Variants in ACTR3C observed in about 807,000 individuals in gnomAD.
The protein encoded by ACTR3C is actin-related protein 3C.
ACTR3C carries 18 observed loss-of-function variants against 26.3 expected under a neutral mutation model. That is an observed-to-expected ratio of 0.68 (90% CI 0.47 to 1.01). The LOEUF (loss-of-function observed/expected upper bound fraction) is 1.01. Among genes scored for constraint, ACTR3C ranks in the 50% least tolerant of loss-of-function variants. ACTR3C has a pLI of 0.00. For missense variants in ACTR3C, 184 were observed against 250.7 expected, an observed-to-expected ratio of 0.73 and a Z score of 1.80; for synonymous variants, 55 against 94.5, an observed-to-expected ratio of 0.58 and a Z score of 2.42.
At chr7:149,971,084 G>A in the ACTR3C span, among the ~76,000 whole-genome samples, 2 of 152,176 alleles carry the variant, frequency 1.3e-5, no homozygotes, top group East Asian at 1.9e-4. Flanking sequence ...GGAGGCAACC[G>A]ATGGCTCTGC....
At chr7:149,995,941 G>A in the ACTR3C span, among the ~76,000 whole-genome samples, 455 of 152,334 alleles carry the variant, frequency 3.0e-3, 1 homozygote, top group Non-Finnish European at 5.4e-3. Flanking sequence ...TTGTTGATCA[G>A]CAAGTGCAGA....
intron 1 of ACTR3C, among the ~76,000 whole-genome samples, chr7:150,297,851 CAA>C (rs35970305): frequency 0.016 from 1,402 of 87,040 alleles, 10 homozygotes; most frequent in African/African-American, 0.056. Flanking sequence ...GACTCCGTCT[CAA>C]AAAAAAAAAA....
the ACTR3C span, among the ~76,000 whole-genome samples, chr7:150,186,292 G>A: frequency 6.6e-6 from 1 of 152,082 alleles, no homozygotes; most frequent in South Asian, 2.1e-4. Context: ...AATATGTCAG[G>A]GAAATTTATC....
At chr7:150,248,285 C>T (rs142024311) in intron 7 of ACTR3C, 6,746 of 152,178 alleles carry the variant, frequency 0.044, 322 homozygotes, top group East Asian at 0.12. Flanking sequence ...CCCTTCCCTC[C>T]CGTACTGGCC....
the ACTR3C span, among the ~76,000 whole-genome samples, chr7:150,034,872 T>A: frequency 7.6e-5 from 11 of 145,424 alleles, no homozygotes; most frequent in Middle Eastern, 3.7e-3. Flanking sequence ...GAACAGGGGC[T>A]GGCTCTCAGT....
chr7:150,103,092 T>C, the ACTR3C span, among the ~76,000 whole-genome samples: 1 of 150,694 alleles, frequency 6.6e-6, no homozygotes, highest in African/African-American at 2.5e-5. Flanking sequence ...TGTGTGTGTG[T>C]GCTGTGCACC....
chr7:150,077,089 C>G, the ACTR3C span, among the ~76,000 whole-genome samples: 1 of 152,054 alleles, frequency 6.6e-6, no homozygotes, highest in African/African-American at 2.4e-5. Context: ...CACTTGAACC[C>G]AGGAGGCGGA....
the ACTR3C span, among the ~76,000 whole-genome samples, chr7:150,198,929 G>A: frequency 6.9e-6 from 1 of 145,534 alleles, no homozygotes; most frequent in African/African-American, 2.7e-5. Context: ...CGGGAGGGAG[G>A]TGGGGGGGTC....
chr7:150,222,363 T>C, the ACTR3C span, among the ~76,000 whole-genome samples: 13 of 152,228 alleles, frequency 8.5e-5, no homozygotes, highest in African/African-American at 4.8e-5. Flanking sequence ...GTCGGTGTTA[T>C]AGCTGCACCT....
At chr7:150,310,801 G>A (rs1304205444) in intron 1 of ACTR3C, among the ~76,000 whole-genome samples, 1 of 152,132 alleles carries the variant, frequency 6.6e-6, no homozygotes, top group Non-Finnish European at 1.5e-5. Context: ...TATTCAATAT[G>A]TTGATGAACT....
At chr7:150,208,071 A>C in the ACTR3C span, among the ~76,000 whole-genome samples, 1 of 152,246 alleles carries the variant, frequency 6.6e-6, no homozygotes, top group African/African-American at 2.4e-5. Context: ...TGGATATCAA[A>C]GAAAGCGAAG....
intron 6 of ACTR3C, among the ~76,000 whole-genome samples, chr7:150,257,431 G>A (rs530519207): frequency 2.6e-5 from 4 of 152,344 alleles, no homozygotes; most frequent in African/African-American, 9.6e-5. Context: ...CGTGGTACAA[G>A]GACATATGTC....
the ACTR3C span, among the ~76,000 whole-genome samples, chr7:150,135,511 A>G: frequency 6.6e-6 from 1 of 152,216 alleles, no homozygotes; most frequent in African/African-American, 2.4e-5. Flanking sequence ...GCTGACAGGC[A>G]GATGCAGAGA....
the ACTR3C span, among the ~76,000 whole-genome samples, chr7:149,984,883 G>A: frequency 6.6e-6 from 1 of 152,044 alleles, no homozygotes; most frequent in Non-Finnish European, 1.5e-5. Context: ...CCCAGTCTCT[G>A]CCCATTTTGG....
chr7:150,126,225 C>A, the ACTR3C span, among the ~76,000 whole-genome samples: 2 of 152,116 alleles, frequency 1.3e-5, no homozygotes, highest in East Asian at 3.9e-4. Flanking sequence ...GTGGAAGATT[C>A]TCTCGCTTAA....
the ACTR3C span, among the ~76,000 whole-genome samples, chr7:150,185,277 GTGTGTGT>G: frequency 3.2e-4 from 1 of 3,100 alleles, no homozygotes; most frequent in East Asian, 6.1e-3. Context: ...AATGTCAGGC[GTGTGTGT>G]GTGTGTGTGT....
At chr7:150,049,324 T>C in the ACTR3C span, among the ~76,000 whole-genome samples, 1 of 151,956 alleles carries the variant, frequency 6.6e-6, no homozygotes, top group Admixed American at 6.5e-5. Context: ...TGCGCGCCCC[T>C]TCCAGCCCTT....
At chr7:150,300,370 AAAAG>A (rs1029431901) in intron 1 of ACTR3C, among the ~76,000 whole-genome samples, 1 of 152,192 alleles carries the variant, frequency 6.6e-6, no homozygotes, top group Non-Finnish European at 1.5e-5. Context: ...CAACAACAAA[AAAAG>A]AAAGAACAAA....
chr7:150,186,332 T>A, the ACTR3C span, among the ~76,000 whole-genome samples: 2 of 152,202 alleles, frequency 1.3e-5, no homozygotes, highest in Non-Finnish European at 2.9e-5. Flanking sequence ...TTTAAAAAAA[T>A]TCATTCTTTA....
Sources: gnomAD v4.1 joint callset for allele counts (sites outside exome capture counted in the v4.1 genomes callset) on GRCh38, gnomAD v4.1.1 for gene constraint, MANE v1.5 for transcripts, NCBI Gene and HGNC (gene_info 2026-07-23, HGNC 2026-07-21) for gene names.